Variants in RFX3 observed in about 807,000 individuals in gnomAD.
RFX3 encodes the protein regulatory factor X3.
A neutral mutation model predicts 98.6 loss-of-function variants in RFX3; 14 were observed. The observed-to-expected ratio is 0.14, with a 90% CI of 0.09 to 0.22. The LOEUF is 0.22. Ranked by LOEUF, RFX3 falls within the 10% of genes least tolerant of loss-of-function variation. RFX3 has a pLI of 1.00. For synonymous variants in RFX3, 383 were observed against 328.4 expected, an observed-to-expected ratio of 1.17 and a Z score of -1.80; for missense variants, 639 against 926.9, an observed-to-expected ratio of 0.69 and a Z score of 4.03.
intron 1 of RFX3, among the ~76,000 whole-genome samples, chr9:3,410,235 G>A (rs1842349688): frequency 1.5e-5 from 2 of 136,156 alleles, no homozygotes; most frequent in South Asian, 2.5e-4. Context: ...ATGGTTCACA[G>A]CACTTTATAT....
At chr9:3,297,186 T>C (rs1284907422) in intron 5 of RFX3, among the ~76,000 whole-genome samples, 1 of 152,098 alleles carries the variant, frequency 6.6e-6, no homozygotes, top group African/African-American at 2.4e-5. Flanking sequence ...TATTCCCCAA[T>C]CTTAACATTC....
intron 1 of RFX3, among the ~76,000 whole-genome samples, chr9:3,525,024 G>A (rs1819113437): frequency 6.6e-6 from 1 of 151,808 alleles, no homozygotes; most frequent in Non-Finnish European, 1.5e-5. Flanking sequence ...GAAGAGTGCT[G>A]AATGGATGTT....
intron 1 of RFX3, among the ~76,000 whole-genome samples, chr9:3,505,049 T>C (rs1331645566): frequency 5.6e-5 from 5 of 89,592 alleles, no homozygotes; most frequent in Admixed American, 1.8e-4. Context: ...TATTTTATAT[T>C]ATATATAAAA....
intron 1 of RFX3, among the ~76,000 whole-genome samples, chr9:3,524,870 CACACACA>C (rs1564205499): frequency 0.07 from 8,693 of 124,246 alleles, 681 homozygotes; most frequent in East Asian, 0.47. Context: ...CACACACACA[CACACACA>C]CCAAAGAAGA....
rs568877424 is a variant in RFX3, at chr9:3,252,416, A to T, written c.1815-4231T>A. Among the ~76,000 whole-genome samples, 20 of 150,468 alleles carry T rather than the reference A, an allele frequency of 1.3e-4. No homozygotes were observed. In the South Asian group the frequency reaches 2.5e-3, roughly 19 times the overall value. On this transcript the variant is annotated intron_variant, in intron 14 of 16. Transcript: ENST00000617270. ...CAGGGCCAGAGATTGGAGAGTGATG[A>T]GGGCAGGCATTTTAAGTTGGGGTAT...
At chr9:3,478,206 A>G (rs1016452211) in intron 1 of RFX3, among the ~76,000 whole-genome samples, 1 of 151,748 alleles carries the variant, frequency 6.6e-6, no homozygotes, top group Non-Finnish European at 1.5e-5. Context: ...GTTTCTTTGC[A>G]TTTCTCAATT....
intron 9 of RFX3, 62 bp downstream of exon 9, chr9:3,275,438 T>C: frequency 1.1e-6 from 1 of 916,300 alleles, no homozygotes; most frequent in Non-Finnish European, 1.8e-6. Flanking sequence ...TTGATTATTT[T>C]ATATTAGCAA....
At chr9:3,494,070 G>C (rs1850940698) in intron 1 of RFX3, among the ~76,000 whole-genome samples, 1 of 152,040 alleles carries the variant, frequency 6.6e-6, no homozygotes, top group South Asian at 2.1e-4. Flanking sequence ...TATGTACTTA[G>C]TATGATGAGA....
chr9:3,369,861 GAT>G (rs1400188921), intron 2 of RFX3, among the ~76,000 whole-genome samples: 2 of 152,044 alleles, frequency 1.3e-5, no homozygotes, highest in Non-Finnish European at 2.9e-5. Context: ...ACGGAGTCTT[GAT>G]CTGTCGCCCA....
chr9:3,289,634 G>C (rs745408976), intron 6 of RFX3, among the ~76,000 whole-genome samples: 1 of 152,088 alleles, frequency 6.6e-6, no homozygotes, highest in Non-Finnish European at 1.5e-5. Flanking sequence ...GGAGTGCTGA[G>C]TTTCTTTTTG....
intron 12 of RFX3, among the ~76,000 whole-genome samples, chr9:3,263,701 C>G (rs1341215599): frequency 1.3e-5 from 2 of 152,136 alleles, no homozygotes; most frequent in Non-Finnish European, 2.9e-5. Context: ...CGGGAAATTT[C>G]TATTTGCCTC....
intron 1 of RFX3, among the ~76,000 whole-genome samples, chr9:3,441,123 T>C (rs955367006): frequency 2.0e-5 from 3 of 152,218 alleles, no homozygotes; most frequent in African/African-American, 7.2e-5. Flanking sequence ...AGCTGCTTTA[T>C]ATGTATACTG....
At chr9:3,475,857 G>A (rs574853368) in intron 1 of RFX3, among the ~76,000 whole-genome samples, 16 of 152,242 alleles carry the variant, frequency 1.1e-4, no homozygotes, top group African/African-American at 2.9e-4. Flanking sequence ...TGGGGAAAGG[G>A]AGACTCCCCT....
At chr9:3,303,231 A>G (rs1267773736) in intron 4 of RFX3, among the ~76,000 whole-genome samples, 1 of 151,930 alleles carries the variant, frequency 6.6e-6, no homozygotes, top group African/African-American at 2.4e-5. Context: ...AGTAATGTAA[A>G]TGTAATGAAT....
At chr9:3,239,453 A>T (rs1388652337) in intron 15 of RFX3, among the ~76,000 whole-genome samples, 1 of 152,218 alleles carries the variant, frequency 6.6e-6, no homozygotes, top group Non-Finnish European at 1.5e-5. Flanking sequence ...TGGGCTAGAC[A>T]GCTATCCTGG....
intron 4 of RFX3, among the ~76,000 whole-genome samples, chr9:3,303,793 G>C (rs1461039957): frequency 6.6e-6 from 1 of 151,974 alleles, no homozygotes; most frequent in East Asian, 1.9e-4. Flanking sequence ...CTTTGGAAAG[G>C]TGCAAGGAAA....
In RFX3 at chr9:3,222,455, G is replaced by A. The variant is rs753161589; in HGVS notation, c.*2587C>T. On this transcript the variant is annotated 3_prime_UTR_variant, in exon 17 of 17. Coordinates refer to ENST00000617270, the MANE Select transcript of RFX3 (RefSeq NM_001282116.2). ...AATCTAAATTTGCCCATTATTACCAGATTCCTGTAATGATACAAATATATC... is the reference window on the plus strand; with the variant it reads ...AATCTAAATTTGCCCATTATTACCAAATTCCTGTAATGATACAAATATATC... 2 of 152,122 alleles carry A rather than the reference G, an allele frequency of 1.3e-5. No individual in the cohort carries two copies. The highest frequency in any genetic ancestry group is 2.9e-5 in the Non-Finnish European group (2 of 68,016). 9.4% of individuals were successfully genotyped at this position (152,122 alleles called of 1,614,324 possible). A position where few individuals can be genotyped will look rare whatever the true frequency, so the allele number is the denominator to read the frequency against.
intron 1 of RFX3, among the ~76,000 whole-genome samples, chr9:3,485,976 T>G (rs2133425775): frequency 6.6e-6 from 1 of 151,656 alleles, no homozygotes; most frequent in Middle Eastern, 3.4e-3. Context: ...AATACAAAAT[T>G]AGCCAGGCAT....
chr9:3,408,193 G>C (rs543786584), intron 1 of RFX3, among the ~76,000 whole-genome samples: 1 of 152,252 alleles, frequency 6.6e-6, no homozygotes, highest in African/African-American at 2.4e-5. Flanking sequence ...ATTCAGCAAT[G>C]GCAAGAAAAT....
Sources: allele counts gnomAD v4.1 joint callset (sites outside exome capture counted in the v4.1 genomes callset), GRCh38; gene constraint gnomAD v4.1.1; transcripts MANE v1.5; gene names NCBI Gene and HGNC (gene_info 2026-07-23, HGNC 2026-07-21).